DAB1: variants seen among roughly 807,000 people sequenced by gnomAD.
The protein encoded by DAB1 is DAB adaptor protein 1, also known as disabled homolog 1.
A neutral mutation model predicts 64.6 loss-of-function variants in DAB1; 15 were observed. The observed-to-expected ratio is 0.23, with a 90% CI of 0.16 to 0.36. The LOEUF (loss-of-function observed/expected upper bound fraction) is 0.36. Ranked by LOEUF, DAB1 falls within the 10% of genes least tolerant of loss-of-function variation. The probability of loss-of-function intolerance (pLI) is 1.00; values close to 1 mark genes in which losing one functional copy is unlikely to be tolerated. For missense variants in DAB1, 596 were observed against 706.7 expected, an observed-to-expected ratio of 0.84 and a Z score of 1.78; for synonymous variants, 235 against 251.9, an observed-to-expected ratio of 0.93 and a Z score of 0.64.
chr1:57,753,380 C>T (rs1244129181), intron 6 of DAB1, among the ~76,000 whole-genome samples: 1 of 152,108 alleles, frequency 6.6e-6, no homozygotes, highest in African/African-American at 2.4e-5. Flanking sequence ...CTTGGCTGAC[C>T]CCTCTGAGGA....
At chr1:57,984,263 A>AG (rs1362919419) in intron 5 of DAB1, among the ~76,000 whole-genome samples, 66 of 147,094 alleles carry the variant, frequency 4.5e-4, no homozygotes, top group African/African-American at 1.4e-3. Context: ...AAAGAAAGAA[A>AG]AAAAATTAAA....
rs111624496 is a variant in DAB1 at position 57,302,703 on chromosome 1, G to C, written c.-136-11537C>G. On this transcript the variant is annotated intron_variant, in intron 1 of 14. Coordinates refer to ENST00000371236, the MANE Select transcript of DAB1 (RefSeq NM_001365792.1). ...ACTGCAGCCTCCAACTCCTGGGTTC[G>C]AGGGATCCTCCCACCTCAACCTCCC... 4.1e-3 allele frequency among the ~76,000 whole-genome samples: 623 copies of C among 152,136 alleles called. 3 individuals are homozygous for C. Among genetic ancestry groups the C allele is most frequent in the African/African-American group, 0.015 (606 of 41,502 alleles).
intron 1 of DAB1, among the ~76,000 whole-genome samples, chr1:57,365,975 G>A (rs1679964977): frequency 6.6e-6 from 1 of 152,184 alleles, no homozygotes. Context: ...TTTGTGTGAG[G>A]TTGAGGACTA....
intron 7 of DAB1, chr1:57,605,947 C>G: frequency 1.5e-6 from 1 of 688,652 alleles, no homozygotes; most frequent in South Asian, 1.4e-5. Context: ...GTCAAAGAGT[C>G]ACTTGTGGAT....
chr1:57,703,725 C>G (rs1439202583), intron 6 of DAB1, among the ~76,000 whole-genome samples: 1 of 152,100 alleles, frequency 6.6e-6, no homozygotes, highest in Non-Finnish European at 1.5e-5. Flanking sequence ...ATTATAAAGA[C>G]ACATGCACAT....
chr1:57,907,291 C>T (rs1644568110), intron 5 of DAB1, among the ~76,000 whole-genome samples: 1 of 152,136 alleles, frequency 6.6e-6, no homozygotes, highest in Admixed American at 6.5e-5. Flanking sequence ...TATCTGGTGG[C>T]CATGATTCAT....
At chr1:57,606,692 T>TATATATGAA (rs1365654623) in intron 7 of DAB1, among the ~76,000 whole-genome samples, 12 of 124,758 alleles carry the variant, frequency 9.6e-5, no homozygotes, top group African/African-American at 3.3e-4. Context: ...ATGTATGAAA[T>TATATATGAA]ATATATATGA....
intron 3 of DAB1, among the ~76,000 whole-genome samples, chr1:58,392,210 A>G (rs1569721383): frequency 6.6e-6 from 1 of 152,344 alleles, no homozygotes; most frequent in Non-Finnish European, 1.5e-5. Flanking sequence ...CTGGCATCTC[A>G]CTTTTACTAC....
chr1:58,197,557 AG>A (rs1329574435), intron 4 of DAB1, among the ~76,000 whole-genome samples: 1 of 151,654 alleles, frequency 6.6e-6, no homozygotes, highest in African/African-American at 2.4e-5. Context: ...ACACCCAGCT[AG>A]TTTTTTTTGT....
chr1:58,502,203 A>G (rs569599237), intron 3 of DAB1, among the ~76,000 whole-genome samples: 17 of 152,358 alleles, frequency 1.1e-4, no homozygotes, highest in Middle Eastern at 3.4e-3. Flanking sequence ...GCTAAAGTTT[A>G]AAAATCAAAA....
chr1:57,241,482 C>T (rs1050401772), intron 2 of DAB1, among the ~76,000 whole-genome samples: 2 of 152,158 alleles, frequency 1.3e-5, no homozygotes, highest in African/African-American at 4.8e-5. Context: ...GCCTCATTAG[C>T]AAATAGGGCC....
At chr1:57,426,877 T>G (rs1175923032), upstream of DAB1, among the ~76,000 whole-genome samples, 1 of 150,814 alleles carries the variant, frequency 6.6e-6, no homozygotes, top group South Asian at 2.1e-4. Context: ...TATATATATT[T>G]TTTTGAGACA....
chr1:57,822,517 AC>A (rs1435906761), downstream of DAB1, among the ~76,000 whole-genome samples: 2 of 152,232 alleles, frequency 1.3e-5, no homozygotes, highest in African/African-American at 4.8e-5. Context: ...AGGGGTCACT[AC>A]TAATAATTTA....
intron 7 of DAB1, among the ~76,000 whole-genome samples, chr1:57,516,448 C>G (rs112178898): frequency 2.0e-5 from 3 of 152,112 alleles, no homozygotes; most frequent in African/African-American, 7.2e-5. Flanking sequence ...TTTACACCCC[C>G]ATAAGTCAGC....
rs1197771362 is a variant in DAB1 at position 57,214,611 on chromosome 1, C to A, written c.68-69182G>T. 2.6e-5 allele frequency among the ~76,000 whole-genome samples: 4 copies of A among 152,042 alleles called. No homozygotes were observed. In the East Asian group the frequency reaches 5.8e-4, roughly 22 times the overall value. On this transcript the variant is annotated intron_variant, in intron 2 of 14. Coordinates refer to ENST00000371236, the MANE Select transcript of DAB1 (RefSeq NM_001365792.1). ...GGAAGGGAGCACACTTTCTGTTTCA[C>A]CTTAGAAAAACAAAACAAGCCGGGC...
chr1:58,104,807 C>CA (rs1651538441), intron 5 of DAB1, among the ~76,000 whole-genome samples: 1 of 151,902 alleles, frequency 6.6e-6, no homozygotes, highest in Non-Finnish European at 1.5e-5. Context: ...CACTTTGAAG[C>CA]AATTTATTTT....
chr1:58,220,576 G>A (rs1570501412), intron 4 of DAB1, among the ~76,000 whole-genome samples: 1 of 152,166 alleles, frequency 6.6e-6, no homozygotes, highest in East Asian at 1.9e-4. Flanking sequence ...TGTAAGTATA[G>A]AGCCCGCCAC....
chr1:57,297,430 G>A (rs1673289443), intron 1 of DAB1, among the ~76,000 whole-genome samples: 1 of 152,064 alleles, frequency 6.6e-6, no homozygotes, highest in South Asian at 2.1e-4. Flanking sequence ...ATATTCAGGA[G>A]TAAAGGGCCA....
intron 4 of DAB1, among the ~76,000 whole-genome samples, chr1:58,195,007 A>G (rs548059828): frequency 1.6e-4 from 24 of 152,300 alleles, no homozygotes; most frequent in South Asian, 6.2e-4. Flanking sequence ...TAACTCTAAG[A>G]CATCAGGAAG....
Sources: allele counts gnomAD v4.1 joint callset (sites outside exome capture counted in the v4.1 genomes callset), GRCh38; gene constraint gnomAD v4.1.1; transcripts MANE v1.5; gene names NCBI Gene and HGNC (gene_info 2026-07-23, HGNC 2026-07-21).